TSHZ3: variants seen among roughly 807,000 people sequenced by gnomAD.
The protein encoded by TSHZ3 is teashirt homolog 3.
TSHZ3 carries 10 observed loss-of-function variants against 64.5 expected under a neutral mutation model. That is an observed-to-expected ratio of 0.16 (90% confidence interval 0.10 to 0.26). TSHZ3 has a LOEUF of 0.26. Among genes scored for constraint, TSHZ3 ranks in the 10% least tolerant of loss-of-function variants. TSHZ3 has a pLI of 1.00. For synonymous variants in TSHZ3, 608 were observed against 593.1 expected, an observed-to-expected ratio of 1.03 and a Z score of -0.36; for missense variants, 1,242 against 1,421.7, an observed-to-expected ratio of 0.87 and a Z score of 2.03.
At chr19:31,322,503 C>A (rs1297997182) in intron 1 of TSHZ3, among the ~76,000 whole-genome samples, 3 of 152,132 alleles carry the variant, frequency 2.0e-5, no homozygotes, top group Non-Finnish European at 2.9e-5. Context: ...TTACTATAGG[C>A]ATGAACTCCT....
chr19:31,180,600 G>A (rs1439633292), intron 5 of TSHZ3, among the ~76,000 whole-genome samples: 1 of 152,202 alleles, frequency 6.6e-6, no homozygotes, highest in Non-Finnish European at 1.5e-5. Context: ...GGATTGTTGT[G>A]TTAATAAGTG....
intron 5 of TSHZ3, among the ~76,000 whole-genome samples, chr19:31,160,619 A>G (rs998929577): frequency 1.3e-5 from 2 of 152,072 alleles, no homozygotes; most frequent in Non-Finnish European, 2.9e-5. Context: ...AAGGAAAGGG[A>G]TAGTTTAGCC....
chr19:31,166,401 G>C (rs1974452590), intron 5 of TSHZ3, among the ~76,000 whole-genome samples: 1 of 152,184 alleles, frequency 6.6e-6, no homozygotes, highest in Non-Finnish European at 1.5e-5. Context: ...GAAAGAGTAG[G>C]GACTTCGAGG....
intron 5 of TSHZ3, among the ~76,000 whole-genome samples, chr19:31,197,398 A>G (rs991510767): frequency 6.6e-6 from 1 of 151,758 alleles, no homozygotes; most frequent in Non-Finnish European, 1.5e-5. Flanking sequence ...CTTCCATTAG[A>G]GAAAATTAGA....
At chr19:31,212,499 C>G (rs1306067626) in intron 4 of TSHZ3, among the ~76,000 whole-genome samples, 1 of 151,988 alleles carries the variant, frequency 6.6e-6, no homozygotes, top group African/African-American at 2.4e-5. Context: ...GCAAAAGGCT[C>G]TCATTATGTA....
At chr19:31,321,973 T>C (rs945240417) in intron 1 of TSHZ3, among the ~76,000 whole-genome samples, 19 of 152,072 alleles carry the variant, frequency 1.2e-4, no homozygotes, top group African/African-American at 4.6e-4. Flanking sequence ...AATGCTATCC[T>C]TCTCCATTCC....
Position 31,279,283 on chromosome 19 carries a change from G to A in TSHZ3, c.510C>T (p.Ser170=), listed in dbSNP as rs573471036. The change falls in exon 2 of 2, where the codon AGC becomes AGT. Residue 170 remains serine (S), a synonymous_variant. Transcript: ENST00000240587. This position sits in a 1 kb window ranked among gnomAD's most constrained non-coding sequence, Gnocchi z 6.4. ...CGSGSFDWHQ[S]AMAKTLQQVS... ...CCTGCTGCAGCGTCTTAGCCATGGC[G>A]CTCTGGTGCCAGTCGAAGCTCCCGC... 3.7e-5 allele frequency: 60 copies of A among 1,613,998 alleles called. No homozygotes were observed. Among genetic ancestry groups the A allele is most frequent in the East Asian group, 3.3e-4 (15 of 44,872 alleles).
At chr19:31,213,452 A>T (rs973979699) in intron 4 of TSHZ3, among the ~76,000 whole-genome samples, 1 of 148,120 alleles carries the variant, frequency 6.8e-6, no homozygotes, top group Non-Finnish European at 1.5e-5. Flanking sequence ...AGATTTTAGG[A>T]CAGTGAAACT....
chr19:31,340,499 G>GA, intron 1 of TSHZ3, among the ~76,000 whole-genome samples: 1 of 141,700 alleles, frequency 7.1e-6, no homozygotes. Context: ...CAGAAAAGGG[G>GA]AAAGGGAGGG....
At chr19:31,341,670 C>G (rs996148519) in intron 1 of TSHZ3, among the ~76,000 whole-genome samples, 3 of 142,758 alleles carry the variant, frequency 2.1e-5, no homozygotes, top group African/African-American at 5.3e-5. Flanking sequence ...CACACACACA[C>G]AGCACTTCCC....
upstream of TSHZ3, chr19:31,349,458 G>C (rs1009202837): frequency 7.7e-6 from 3 of 390,814 alleles, no homozygotes; most frequent in African/African-American, 2.1e-5. Flanking sequence ...AGGGAGGCTC[G>C]GGGAGGGAGG....
intron 5 of TSHZ3, among the ~76,000 whole-genome samples, chr19:31,157,480 C>T (rs1434173883): frequency 6.6e-6 from 1 of 152,102 alleles, no homozygotes; most frequent in East Asian, 1.9e-4. Context: ...CCACATGTAA[C>T]CTAAATGCCT....
At chr19:31,349,653 G>C (rs574921398), upstream of TSHZ3, 435 of 157,572 alleles carry the variant, frequency 2.8e-3, 2 homozygotes, top group Non-Finnish European at 4.0e-3. Flanking sequence ...TTCGGGGCTG[G>C]GGGGCGGGGA....
intron 1 of TSHZ3, among the ~76,000 whole-genome samples, chr19:31,341,235 C>T (rs751190301): frequency 1.3e-5 from 2 of 152,208 alleles, no homozygotes; most frequent in Non-Finnish European, 2.9e-5. Context: ...TACCCCACCA[C>T]ATTCTAGCCT....
chr19:31,310,801 G>C (rs1916436286), intron 1 of TSHZ3, among the ~76,000 whole-genome samples: 1 of 152,164 alleles, frequency 6.6e-6, no homozygotes, highest in African/African-American at 2.4e-5. Context: ...GTTGTTAATG[G>C]AATTATGCAC....
At chr19:31,201,024 T>C (rs1210845853) in intron 5 of TSHZ3, among the ~76,000 whole-genome samples, 1 of 151,984 alleles carries the variant, frequency 6.6e-6, no homozygotes, top group African/African-American at 2.4e-5. Flanking sequence ...TGTAGACAAA[T>C]CAGTTAAAAA....
intron 5 of TSHZ3, among the ~76,000 whole-genome samples, chr19:31,200,813 T>C (rs1398407090): frequency 6.6e-6 from 1 of 152,130 alleles, no homozygotes; most frequent in Non-Finnish European, 1.5e-5. Flanking sequence ...AATGGGAGGC[T>C]GTGCATGTGT....
intron 4 of TSHZ3, among the ~76,000 whole-genome samples, chr19:31,215,044 G>C (rs1975308499): frequency 6.6e-6 from 1 of 151,488 alleles, no homozygotes; most frequent in Non-Finnish European, 1.5e-5. Flanking sequence ...ACCAAATATT[G>C]ATACAAAAAT....
At chr19:31,235,670 CTTCTTTCT>C (rs1374724225) in intron 3 of TSHZ3, among the ~76,000 whole-genome samples, 1 of 58,796 alleles carries the variant, frequency 1.7e-5, no homozygotes, top group Non-Finnish European at 3.8e-5. Flanking sequence ...CTATTTCTTT[CTTCTTTCT>C]TTCTTTCTTC....
Sources: allele counts gnomAD v4.1 joint callset (sites outside exome capture counted in the v4.1 genomes callset), GRCh38; gene constraint gnomAD v4.1.1; non-coding constraint Gnocchi (gnomAD v3.1); transcripts MANE v1.5; gene names NCBI Gene and HGNC (gene_info 2026-07-23, HGNC 2026-07-21).